The following UBE2V2 variants were observed in gnomAD, a reference collection of about 807,000 sequenced individuals.
The protein encoded by UBE2V2 is ubiquitin-conjugating enzyme E2 variant 2.
UBE2V2 carries 9 observed loss-of-function variants against 17.2 expected under a neutral mutation model. The observed-to-expected ratio is 0.52, with a 90% CI of 0.32 to 0.91. UBE2V2 has a LOEUF of 0.91. Among genes scored for constraint, UBE2V2 ranks in the 40% least tolerant of loss-of-function variants. UBE2V2 has a pLI of 0.04. For synonymous variants in UBE2V2, 61 were observed against 57.5 expected (o/e 1.06, Z -0.28); for missense variants, 133 against 182.6 (o/e 0.73, Z 1.56).
chr8:48,012,508 C>G (rs1258874775), intron 1 of UBE2V2, among the ~76,000 whole-genome samples: 1 of 151,992 alleles, frequency 6.6e-6, no homozygotes, highest in Non-Finnish European at 1.5e-5. Flanking sequence ...TACCTGAGGT[C>G]GGGAGGTTGA....
chr8:48,035,663 A>T (rs1352897339), intron 1 of UBE2V2, among the ~76,000 whole-genome samples: 12 of 77,966 alleles, frequency 1.5e-4, no homozygotes, highest in East Asian at 4.2e-4. Context: ...GTGTGTGTAT[A>T]TGTATGTATG....
chr8:48,020,026 C>T (rs1178666149), intron 1 of UBE2V2, among the ~76,000 whole-genome samples: 3 of 151,156 alleles, frequency 2.0e-5, no homozygotes, highest in Non-Finnish European at 4.4e-5. Context: ...AATTCTTGGG[C>T]TTTCTCTCTC....
chr8:48,037,758 A>G (rs577315523), intron 1 of UBE2V2, among the ~76,000 whole-genome samples: 3 of 152,372 alleles, frequency 2.0e-5, no homozygotes, highest in African/African-American at 7.2e-5. Flanking sequence ...AAACCAAAGA[A>G]TTACAACAGT....
upstream of UBE2V2, chr8:48,008,328 C>T (rs937783827): frequency 3.1e-6 from 4 of 1,302,168 alleles, no homozygotes; most frequent in South Asian, 3.7e-5. Flanking sequence ...GCGCGCTGTC[C>T]CTCGGGTCGC....
upstream of UBE2V2, among the ~76,000 whole-genome samples, chr8:48,006,914 C>T (rs1441493046): frequency 1.3e-5 from 2 of 151,804 alleles, no homozygotes; most frequent in Non-Finnish European, 2.9e-5. Context: ...CTCGCTCTGT[C>T]CCCTAGGCTG....
At chr8:48,016,583 A>G (rs537459221) in intron 1 of UBE2V2, among the ~76,000 whole-genome samples, 120 of 151,782 alleles carry the variant, frequency 7.9e-4, no homozygotes, top group African/African-American at 2.9e-3. Flanking sequence ...CCTGGGTTCA[A>G]GCAATTCTCC....
At chr8:48,027,095 C>T (rs1248779941) in intron 1 of UBE2V2, among the ~76,000 whole-genome samples, 1 of 152,184 alleles carries the variant, frequency 6.6e-6, no homozygotes, top group East Asian at 1.9e-4. Flanking sequence ...AGTGATCCTC[C>T]TGCCTCAGCC....
At chr8:48,050,173 A>T in intron 3 of UBE2V2, 195 bp downstream of exon 3, 1 of 373,304 alleles carries the variant, frequency 2.7e-6, no homozygotes, top group Non-Finnish European at 4.7e-6. Flanking sequence ...AAATTAGGCC[A>T]TCCTTAAAAA....
chr8:47,999,901 T>C, the UBE2V2 span, among the ~76,000 whole-genome samples: 1 of 152,070 alleles, frequency 6.6e-6, no homozygotes, highest in African/African-American at 2.4e-5. Context: ...CATGAAAGGG[T>C]TGTGATCGAT....
At chr8:48,011,318 C>T (rs571380530) in intron 1 of UBE2V2, among the ~76,000 whole-genome samples, 14 of 151,810 alleles carry the variant, frequency 9.2e-5, no homozygotes, top group Non-Finnish European at 1.9e-4. Flanking sequence ...CAGGCATGCA[C>T]CACCACGCCC....
At position 48,060,729 on chromosome 8, in the gene UBE2V2, T is replaced by C; in HGVS notation, c.339T>C (p.Tyr113=). Residue 113 remains tyrosine (Y), a synonymous_variant, in exon 4 of 4, where the codon TAT becomes TAC. Coordinates refer to ENST00000523111, the MANE Select transcript of UBE2V2 (RefSeq NM_003350.3). ...TGTTAGCAAAATGGCAAAATTCATA[T>C]AGCATTAAAGTTGTACTTCAAGAGC... ...IPVLAKWQNS[Y]SIKVVLQELR... is the part of the protein sequence containing the mutation. 3.9e-6 allele frequency: 6 copies of C among 1,544,194 alleles called. No individual in the cohort carries two copies. The highest frequency in any genetic ancestry group is 1.3e-5 in the South Asian group (1 of 77,958).
chr8:48,034,920 G>A lies in UBE2V2; in HGVS notation c.17-8113G>A, dbSNP rs151232502. 3.8e-4 allele frequency: 228 copies of A among 592,948 alleles called. 1 individual carries two copies. In the South Asian group the frequency reaches 3.9e-3, roughly 10 times the overall value. The allele number at this position is 592,948 out of a possible 1,614,324, so 36.7% of individuals were successfully genotyped here. ...AAGGGATAGGCTTGTTGCCCGGGACGCCTTGCTCCCCCTCCCTGCAGCCTC... is the reference window on the plus strand; with the variant it reads ...AAGGGATAGGCTTGTTGCCCGGGACACCTTGCTCCCCCTCCCTGCAGCCTC... On this transcript the variant is annotated intron_variant, in intron 1 of 3. Transcript: ENST00000523111.
At chr8:48,007,238 T>C (rs974050565), upstream of UBE2V2, among the ~76,000 whole-genome samples, 4 of 151,932 alleles carry the variant, frequency 2.6e-5, no homozygotes, top group Non-Finnish European at 5.9e-5. Context: ...CTATTCAACA[T>C]AGTATTGGAA....
intron 1 of UBE2V2, among the ~76,000 whole-genome samples, chr8:48,014,415 G>A (rs186115557): frequency 6.6e-6 from 1 of 150,646 alleles, no homozygotes; most frequent in Non-Finnish European, 1.5e-5. Context: ...GAGGCTGAGG[G>A]GGGCGGATCA....
chr8:48,028,229 A>G (rs147130393), intron 1 of UBE2V2, among the ~76,000 whole-genome samples: 2 of 151,640 alleles, frequency 1.3e-5, no homozygotes, highest in African/African-American at 4.8e-5. Context: ...GTGCAGTGTC[A>G]TGATCTCAGC....
intron 3 of UBE2V2, among the ~76,000 whole-genome samples, chr8:48,052,688 C>T (rs2091546618): frequency 6.6e-6 from 1 of 152,210 alleles, no homozygotes; most frequent in Non-Finnish European, 1.5e-5. Context: ...GAGGGATCCT[C>T]CTAAGAGACA....
rs1376129222 is a variant in UBE2V2 at position 48,062,583 on chromosome 8, A to C, written c.*1755A>C. 1.8e-5 allele frequency: 1 copy of C among 54,360 alleles called. No homozygotes were observed. Among genetic ancestry groups the C allele is most frequent in the Non-Finnish European group, 3.6e-5 (1 of 27,598 alleles). The allele number at this position is 54,360 out of a possible 1,614,324, so 3.4% of individuals were successfully genotyped here. ...AGCCTGGGCAACAGAGCAAGACTCC[A>C]TCTCAAAAAAAAAAAAAAAAAGAAA... On this transcript the variant is annotated 3_prime_UTR_variant, in exon 4 of 4. Coordinates refer to ENST00000523111, the MANE Select transcript of UBE2V2 (RefSeq NM_003350.3).
At position 48,032,791 on chromosome 8, in the gene UBE2V2, TATTATTGAC is replaced by T. The variant is rs1014986691; in HGVS notation, c.17-10226_17-10218del. ...ATATGCTTTGATGTCAATAATTGTG[TATTATTGAC>T]ATTATTGACATTATTAATGTCAACA... On this transcript the variant is annotated intron_variant, in intron 1 of 3. Coordinates refer to ENST00000523111, the MANE Select transcript of UBE2V2 (RefSeq NM_003350.3). Among the ~76,000 whole-genome samples, 12 of 152,246 alleles carry T rather than the reference TATTATTGAC, an allele frequency of 7.9e-5. No homozygotes were observed. In the East Asian group the frequency reaches 1.2e-3, roughly 15 times the overall value.
chr8:48,025,724 C>T (rs965581083), intron 1 of UBE2V2, among the ~76,000 whole-genome samples: 15 of 151,994 alleles, frequency 9.9e-5, no homozygotes, highest in South Asian at 6.2e-4. Context: ...CTCAGCCTTC[C>T]GAGTAGCTGG....
Sources: allele counts gnomAD v4.1 joint callset (sites outside exome capture counted in the v4.1 genomes callset), GRCh38; gene constraint gnomAD v4.1.1; transcripts MANE v1.5; gene names NCBI Gene and HGNC (gene_info 2026-07-23, HGNC 2026-07-21).